The following VGLL4 variants were observed in gnomAD, a reference collection of about 807,000 sequenced individuals.
VGLL4 encodes transcription cofactor vestigial-like protein 4.
In VGLL4, 7 loss-of-function variants were observed where a neutral mutation model predicts 21.0. That is an observed-to-expected ratio of 0.33 (90% CI 0.19 to 0.63). The LOEUF is 0.63. VGLL4 is among the 20% of genes least tolerant of loss of function. The pLI is 0.78. For synonymous variants in VGLL4, 222 were observed against 173.2 expected, an observed-to-expected ratio of 1.28 and a Z score of -2.21; for missense variants, 394 against 425.7, an observed-to-expected ratio of 0.93 and a Z score of 0.66.
At chr3:11,563,144 T>C (rs545632065) in intron 3 of VGLL4, among the ~76,000 whole-genome samples, 3 of 152,338 alleles carry the variant, frequency 2.0e-5, no homozygotes, top group Non-Finnish European at 2.9e-5. Flanking sequence ...ACCCTGACCA[T>C]GTGGGCAGAG....
chr3:11,667,593 G>A (rs1008132811), intron 2 of VGLL4, among the ~76,000 whole-genome samples: 3 of 152,198 alleles, frequency 2.0e-5, no homozygotes, highest in African/African-American at 4.8e-5. Context: ...CAGTGTACAG[G>A]TGCTGCCCAT....
intron 2 of VGLL4, among the ~76,000 whole-genome samples, chr3:11,595,128 T>G (rs2125252203): frequency 6.6e-6 from 1 of 152,204 alleles, no homozygotes; most frequent in East Asian, 1.9e-4. Flanking sequence ...CTCATTGCAC[T>G]CCAGCCTGGG....
chr3:11,643,565 G>T lies in VGLL4; in HGVS notation c.-47C>A. ...CCAGCTCTTTGCTTTTGCCCCAAAA[G>T]AGTTAAGTTTCAAAAATCAATTGTT... On this transcript the variant is annotated 5_prime_UTR_variant, in exon 1 of 5. Transcript: ENST00000430365. 1 of 1,612,452 alleles carries T rather than the reference G, an allele frequency of 6.2e-7. No homozygotes were observed.
At chr3:11,582,948 A>T (rs2074271809) in intron 2 of VGLL4, among the ~76,000 whole-genome samples, 2 of 152,174 alleles carry the variant, frequency 1.3e-5, no homozygotes, top group Admixed American at 1.3e-4. Flanking sequence ...CAGGCACTGG[A>T]GAAGCAAAGG....
At chr3:11,566,241 ACG>A (rs1216394363) in intron 2 of VGLL4, among the ~76,000 whole-genome samples, 1 of 151,848 alleles carries the variant, frequency 6.6e-6, no homozygotes, top group Non-Finnish European at 1.5e-5. Flanking sequence ...ACACACACAC[ACG>A]CATGTGATAG....
intron 2 of VGLL4, among the ~76,000 whole-genome samples, chr3:11,654,087 A>C (rs1186458): frequency 0.22 from 33,211 of 148,872 alleles, 4,222 homozygotes; most frequent in African/African-American, 0.36. Flanking sequence ...GACACCCCCC[A>C]CCACCACCAC....
At chr3:11,573,331 G>C (rs560339289) in intron 2 of VGLL4, among the ~76,000 whole-genome samples, 5 of 50,034 alleles carry the variant, frequency 1.0e-4, no homozygotes, top group East Asian at 1.5e-3. Flanking sequence ...AAGAAAGAAA[G>C]AAAGAAAGAA....
chr3:11,645,453 G>A (rs993558951), upstream of VGLL4, among the ~76,000 whole-genome samples: 61 of 142,962 alleles, frequency 4.3e-4, no homozygotes, highest in African/African-American at 1.5e-3. Flanking sequence ...AGCCGGGCGC[G>A]GTGGCGGGCG....
chr3:11,559,514 T>TG lies in VGLL4; in HGVS notation c.496-60dup, dbSNP rs569721696. On this transcript the variant is annotated intron_variant, in intron 3 of 4. Coordinates refer to ENST00000430365, the MANE Select transcript of VGLL4 (RefSeq NM_001128219.3). ...CAGCTTCAGTACCGGGCACCACCCC[T>TG]GGGGCCCTCCCCAGCACCCTTCAGG... 3.0e-4 allele frequency: 443 copies of TG among 1,483,016 alleles called. 2 individuals carry two copies. In the South Asian group the frequency reaches 5.7e-3, roughly 19 times the overall value. The allele number at this position is 1,483,016 out of a possible 1,614,324, so 91.9% of individuals were successfully genotyped here.
At chr3:11,596,386 G>C (rs138642124) in intron 2 of VGLL4, among the ~76,000 whole-genome samples, 62 of 152,252 alleles carry the variant, frequency 4.1e-4, no homozygotes, top group Middle Eastern at 6.8e-3. Context: ...AACAAATCCT[G>C]AACTCTTTTT....
intron 2 of VGLL4, among the ~76,000 whole-genome samples, chr3:11,694,112 G>C (rs548865875): frequency 2.2e-4 from 33 of 152,224 alleles, no homozygotes; most frequent in African/African-American, 7.7e-4. Flanking sequence ...ACTTAATAGG[G>C]GTGTTCTGAG....
chr3:11,659,326 C>CTTTTTTTTTTTTTTTTTTTTTTT (rs5846714), intron 2 of VGLL4, among the ~76,000 whole-genome samples: 3 of 70,820 alleles, frequency 4.2e-5, no homozygotes, highest in Non-Finnish European at 7.8e-5. Flanking sequence ...TTTTCTTTTT[C>CTTTTTTTTTTTTTTTTTTTTTTT]TTTTTTTTTT....
At chr3:11,562,658 T>C (rs531195229) in intron 3 of VGLL4, among the ~76,000 whole-genome samples, 1 of 152,360 alleles carries the variant, frequency 6.6e-6, no homozygotes, top group East Asian at 1.9e-4. Flanking sequence ...CCCGCCACGC[T>C]GCCGCAGGAA....
In VGLL4 at chr3:11,643,679, A is replaced by AAG. The variant is rs2075739754; in HGVS notation, c.-162_-161insCT. On this transcript the variant is annotated 5_prime_UTR_variant, in exon 1 of 5. Coordinates refer to ENST00000430365, the MANE Select transcript of VGLL4 (RefSeq NM_001128219.3). ...AAAGTATGCAAAAGTTAAAAAAAAA[A>AAG]AAATCAGGCACAAAAAAATCGAGCT... The AAG allele has an allele frequency of 6.9e-7, 1 of 1,439,748 alleles. No individual in the cohort carries two copies. Among genetic ancestry groups the AAG allele is most frequent in the African/African-American group, 1.4e-5 (1 of 69,618 alleles). 89.2% of individuals were successfully genotyped at this position (1,439,748 alleles called of 1,614,324 possible). A position where few individuals can be genotyped will look rare whatever the true frequency, so the allele number is the denominator to read the frequency against.
rs76288493 is a variant in VGLL4, at chr3:11,671,504, A to T, written c.64+31467T>A. ...GTGTACAAAAATCCATGCATACTCAAGTTTCGCAGTCTGCCCTGCAGAGCC... is the reference window on the plus strand; with the variant it reads ...GTGTACAAAAATCCATGCATACTCATGTTTCGCAGTCTGCCCTGCAGAGCC... On this transcript the variant is annotated intron_variant, in intron 2 of 5. Coordinates refer to the VGLL4 transcript ENST00000273038. 2,128 of 637,774 alleles carry T rather than the reference A, an allele frequency of 3.3e-3. 33 individuals are homozygous for T. The highest frequency in any genetic ancestry group is 0.033 in the African/African-American group (1,851 of 55,728). 39.5% of individuals were successfully genotyped at this position (637,774 alleles called of 1,614,324 possible).
intron 2 of VGLL4, among the ~76,000 whole-genome samples, chr3:11,566,920 G>A (rs979444842): frequency 2.6e-5 from 4 of 152,282 alleles, no homozygotes; most frequent in Middle Eastern, 3.4e-3. Context: ...ATGGGTGACC[G>A]TGTAAGAAAG....
intron 2 of VGLL4, among the ~76,000 whole-genome samples, chr3:11,570,746 T>C (rs1478303423): frequency 3.3e-5 from 5 of 152,196 alleles, no homozygotes; most frequent in African/African-American, 1.2e-4. Flanking sequence ...TGGTGAGATG[T>C]CTTCTCCCTT....
At chr3:11,652,114 A>C (rs1002698265) in intron 2 of VGLL4, among the ~76,000 whole-genome samples, 2 of 152,202 alleles carry the variant, frequency 1.3e-5, no homozygotes, top group East Asian at 1.9e-4. Flanking sequence ...TTTCAATACA[A>C]CACCACCCTC....
At chr3:11,636,153 G>A (rs533225725) in intron 1 of VGLL4, among the ~76,000 whole-genome samples, 2 of 152,278 alleles carry the variant, frequency 1.3e-5, no homozygotes, top group South Asian at 2.1e-4. Context: ...TATTTTCTAA[G>A]GGGAAAATGT....
Sources: gnomAD v4.1 joint callset for allele counts (sites outside exome capture counted in the v4.1 genomes callset) on GRCh38, gnomAD v4.1.1 for gene constraint, MANE v1.5 for transcripts, NCBI Gene and HGNC (gene_info 2026-07-23, HGNC 2026-07-21) for gene names.